Variants in CACNG4 observed in about 807,000 individuals in gnomAD.
CACNG4 encodes calcium voltage-gated channel auxiliary subunit gamma 4.
Under a neutral mutation model 22.9 loss-of-function variants are expected in CACNG4, and 8 were observed. That is an observed-to-expected ratio of 0.35 (90% confidence interval 0.21 to 0.63). CACNG4 has a LOEUF of 0.63. Ranked by LOEUF, CACNG4 falls within the 30% of genes least tolerant of loss-of-function variation. CACNG4 has a pLI of 0.72. For missense variants in CACNG4, 357 were observed against 455.4 expected (o/e 0.78, Z 1.97); for synonymous variants, 188 against 191.9 (o/e 0.98, Z 0.17).
At chr17:66,992,599 G>T (rs2035347909) in intron 1 of CACNG4, among the ~76,000 whole-genome samples, 1 of 152,202 alleles carries the variant, frequency 6.6e-6, no homozygotes. Context: ...CTGCCCATGT[G>T]GGCCCCTTCG....
At chr17:66,969,151 G>C (rs2035189152) in intron 1 of CACNG4, among the ~76,000 whole-genome samples, 1 of 152,366 alleles carries the variant, frequency 6.6e-6, no homozygotes, top group African/African-American at 2.4e-5. Context: ...ACTCTTGCCA[G>C]GGACAGAAGA....
At chr17:66,987,144 T>A (rs2035309885) in intron 1 of CACNG4, among the ~76,000 whole-genome samples, 1 of 152,194 alleles carries the variant, frequency 6.6e-6, no homozygotes, top group South Asian at 2.1e-4. Flanking sequence ...ATGAAAATTT[T>A]CTGAAACAAG....
intron 3 of CACNG4, among the ~76,000 whole-genome samples, chr17:67,028,581 A>G (rs760983159): frequency 6.6e-6 from 1 of 152,108 alleles, no homozygotes; most frequent in Non-Finnish European, 1.5e-5. Flanking sequence ...CAGAAAAAAA[A>G]CGCAATGGAT....
At chr17:66,996,379 CTT>C (rs10585610) in intron 1 of CACNG4, among the ~76,000 whole-genome samples, 133 of 129,088 alleles carry the variant, frequency 1.0e-3, no homozygotes, top group Admixed American at 2.1e-3. Flanking sequence ...CAGTCCGATT[CTT>C]TTTTTTTTTT....
chr17:67,026,213 G>A (rs1281203395), intron 3 of CACNG4, among the ~76,000 whole-genome samples: 1 of 151,272 alleles, frequency 6.6e-6, no homozygotes, highest in Non-Finnish European at 1.5e-5. Flanking sequence ...ACTGTGGTGT[G>A]TTTGTGTGTG....
intron 2 of CACNG4, among the ~76,000 whole-genome samples, chr17:67,022,153 G>A (rs933672142): frequency 8.0e-5 from 12 of 150,332 alleles, no homozygotes; most frequent in Non-Finnish European, 1.8e-4. Context: ...TTGGCTCACT[G>A]TAACCTCTGC....
chr17:67,018,348 G>A (rs2035513158), intron 2 of CACNG4, 76 bp downstream of exon 2: 1 of 1,040,620 alleles, frequency 9.6e-7, no homozygotes. Context: ...AGGAAAGAGA[G>A]ACACTGGGCA....
chr17:66,977,230 C>T (rs1320268926), intron 1 of CACNG4, among the ~76,000 whole-genome samples: 2 of 152,198 alleles, frequency 1.3e-5, no homozygotes, highest in Non-Finnish European at 2.9e-5. Context: ...CATCATTCCC[C>T]AGCTCAGTAC....
intron 1 of CACNG4, among the ~76,000 whole-genome samples, chr17:66,972,951 CAAAAA>C (rs562233270): frequency 6.7e-6 from 1 of 148,520 alleles, no homozygotes; most frequent in Admixed American, 6.8e-5. Context: ...AACAAACAAA[CAAAAA>C]AAACAGAGGC....
intron 1 of CACNG4, among the ~76,000 whole-genome samples, chr17:66,995,492 C>T (rs557108016): frequency 2.0e-5 from 3 of 152,226 alleles, no homozygotes; most frequent in South Asian, 2.1e-4. Flanking sequence ...AGCATCTTCT[C>T]GGAGTAGGCC....
intron 3 of CACNG4, among the ~76,000 whole-genome samples, chr17:67,029,748 C>T (rs2035590486): frequency 6.6e-6 from 1 of 152,204 alleles, no homozygotes; most frequent in African/African-American, 2.4e-5. Flanking sequence ...AAAATGTTAA[C>T]ATTAGGGAGA....
chr17:67,003,764 G>C (rs1335064601), intron 1 of CACNG4, among the ~76,000 whole-genome samples: 1 of 152,160 alleles, frequency 6.6e-6, no homozygotes, highest in Non-Finnish European at 1.5e-5. Context: ...CCTTGCACTA[G>C]AGCAGGCAAT....
intron 1 of CACNG4, among the ~76,000 whole-genome samples, chr17:66,998,814 GC>G (rs1567754651): frequency 2.0e-5 from 3 of 152,184 alleles, no homozygotes; most frequent in Admixed American, 2.0e-4. Flanking sequence ...TCTCACATGA[GC>G]CCCTTTCCAA....
intron 2 of CACNG4, among the ~76,000 whole-genome samples, chr17:67,024,038 T>C (rs1277785914): frequency 6.6e-6 from 1 of 152,172 alleles, no homozygotes; most frequent in Non-Finnish European, 1.5e-5. Flanking sequence ...CCCGGTCAGC[T>C]AATCAGTGGC....
chr17:66,975,922 C>CT (rs943629367), intron 1 of CACNG4, among the ~76,000 whole-genome samples: 46 of 152,368 alleles, frequency 3.0e-4, no homozygotes, highest in Admixed American at 3.3e-4. Flanking sequence ...GGCACAGTGA[C>CT]TTTGCCAAGT....
At chr17:66,975,846 A>G (rs1282946345) in intron 1 of CACNG4, among the ~76,000 whole-genome samples, 2 of 152,236 alleles carry the variant, frequency 1.3e-5, no homozygotes, top group Non-Finnish European at 2.9e-5. Flanking sequence ...AGGGCCTAGC[A>G]CCCAGGCTGT....
chr17:66,967,902 A>T (rs1328283888), intron 1 of CACNG4, among the ~76,000 whole-genome samples: 2 of 152,150 alleles, frequency 1.3e-5, no homozygotes, highest in Non-Finnish European at 2.9e-5. Context: ...GGCTACGTGC[A>T]AAAGACTGTT....
intron 1 of CACNG4, among the ~76,000 whole-genome samples, chr17:66,979,814 A>G (rs184867265): frequency 6.9e-6 from 1 of 145,200 alleles, no homozygotes; most frequent in Non-Finnish European, 1.5e-5. Flanking sequence ...CAGTGGCGCA[A>G]TCTCTGCTCA....
chr17:66,998,098 G>T (rs1040663772), intron 1 of CACNG4, among the ~76,000 whole-genome samples: 1 of 152,222 alleles, frequency 6.6e-6, no homozygotes, highest in Non-Finnish European at 1.5e-5. Flanking sequence ...TTCAGGACAC[G>T]TCAGGGCTGT....
Sources: gnomAD v4.1 joint callset for allele counts (sites outside exome capture counted in the v4.1 genomes callset) on GRCh38, gnomAD v4.1.1 for gene constraint, MANE v1.5 for transcripts, NCBI Gene and HGNC (gene_info 2026-07-23, HGNC 2026-07-21) for gene names.